The following RFX7 variants were observed in gnomAD, a reference collection of about 807,000 sequenced individuals.
The protein encoded by RFX7 is DNA-binding protein RFX7.
A neutral mutation model predicts 111.8 loss-of-function variants in RFX7; 26 were observed. That is an observed-to-expected ratio of 0.23 (90% confidence interval 0.17 to 0.32). RFX7 has a LOEUF of 0.32. Ranked by LOEUF, RFX7 falls within the 10% of genes least tolerant of loss-of-function variation. The probability of loss-of-function intolerance (pLI) is 1.00; values close to 1 mark genes in which losing one functional copy is unlikely to be tolerated. For missense variants in RFX7, 1,573 were observed against 1,772.9 expected (o/e 0.89, Z 2.02); for synonymous variants, 624 against 624.4 (o/e 1.00, Z 0.01).
At chr15:56,156,448 A>T (rs1430077415) in intron 3 of RFX7, among the ~76,000 whole-genome samples, 1 of 152,098 alleles carries the variant, frequency 6.6e-6, no homozygotes, top group Non-Finnish European at 1.5e-5. Flanking sequence ...ATTCTATGAA[A>T]CAAAACCACA....
chr15:56,122,370 CCAAA>C (rs1240284353), intron 5 of RFX7, among the ~76,000 whole-genome samples: 1 of 152,164 alleles, frequency 6.6e-6, no homozygotes, highest in Non-Finnish European at 1.5e-5. Flanking sequence ...TTATTTTCTC[CCAAA>C]CAAATGGAGT....
rs368574279 is a variant in RFX7, at chr15:56,179,279, G to T, written c.186C>A (p.Asp62Glu). The change falls in exon 3 of 10, where the codon GAC becomes GAA. Residue 62 changes from aspartate (D) to glutamate (E), a missense_variant. Asp to Glu is a conservative substitution (Grantham distance 45). Around this residue, in one of 7 missense-constraint regions of RFX7, gnomAD observed 191 missense variants for 194.2 expected, o/e 0.98. Transcript: ENST00000559447. ...TAGTTATTTCACTTACCAAAATGCA[G>T]TCCACTTTAGATTGTACAGTTTTGC... ...SICKTVQSKV[D>E]CILQEVEKFT... 6.2e-6 allele frequency: 8 copies of T among 1,288,896 alleles called. No homozygotes were observed. Among genetic ancestry groups the T allele is most frequent in the African/African-American group, 1.5e-5 (1 of 64,954 alleles). 79.8% of individuals were successfully genotyped at this position (1,288,896 alleles called of 1,614,324 possible). A position where few individuals can be genotyped will look rare whatever the true frequency, so the allele number is the denominator to read the frequency against.
At chr15:56,227,627 AC>A (rs1238039486) in intron 2 of RFX7, among the ~76,000 whole-genome samples, 6 of 152,164 alleles carry the variant, frequency 3.9e-5, no homozygotes, top group African/African-American at 1.4e-4. Flanking sequence ...TAGCGCAAGT[AC>A]CTTAGAGTAT....
At chr15:56,238,314 A>T (rs541992556) in intron 2 of RFX7, among the ~76,000 whole-genome samples, 1 of 152,238 alleles carries the variant, frequency 6.6e-6, no homozygotes, top group Non-Finnish European at 1.5e-5. Flanking sequence ...TGTCATCATC[A>T]TAAGAAAGTA....
intron 2 of RFX7, among the ~76,000 whole-genome samples, chr15:56,206,161 T>C (rs1441976885): frequency 2.0e-5 from 3 of 151,726 alleles, no homozygotes; most frequent in African/African-American, 4.8e-5. Context: ...CTATTCACAA[T>C]AACCAAAAAG....
chr15:56,121,835 A>AT (rs1214782950), intron 5 of RFX7, among the ~76,000 whole-genome samples: 16 of 152,256 alleles, frequency 1.1e-4, no homozygotes, highest in African/African-American at 3.9e-4. Flanking sequence ...CAGTGTATTA[A>AT]TTGCATCTTT....
At chr15:56,178,167 ACAC>A in intron 3 of RFX7, among the ~76,000 whole-genome samples, 1 of 13,358 alleles carries the variant, frequency 7.5e-5, no homozygotes, top group Admixed American at 6.9e-4. Flanking sequence ...CCAAAAAACT[ACAC>A]ACACACACAC....
chr15:56,111,725 A>AAATCAG (rs1240791213), intron 5 of RFX7, among the ~76,000 whole-genome samples: 2 of 151,820 alleles, frequency 1.3e-5, no homozygotes, highest in Admixed American at 6.6e-5. Context: ...TAAAACCATT[A>AAATCAG]AATCAGAATC....
At chr15:56,109,178 T>G (rs951744532) in intron 5 of RFX7, among the ~76,000 whole-genome samples, 1 of 152,212 alleles carries the variant, frequency 6.6e-6, no homozygotes, top group Non-Finnish European at 1.5e-5. Context: ...GCCGAGTGCC[T>G]GCGATTGCAG....
At chr15:56,198,371 A>C (rs145910087) in intron 2 of RFX7, among the ~76,000 whole-genome samples, 114 of 152,306 alleles carry the variant, frequency 7.5e-4, no homozygotes, top group Non-Finnish European at 1.4e-3. Flanking sequence ...ACGTATGTCT[A>C]GTTCAGTATA....
chr15:56,126,431 C>G (rs1385384301), intron 5 of RFX7, among the ~76,000 whole-genome samples: 1 of 152,164 alleles, frequency 6.6e-6, no homozygotes, highest in Non-Finnish European at 1.5e-5. Context: ...ATCCTCATCA[C>G]AAACAATTGT....
At chr15:56,113,327 G>T (rs539559138) in intron 5 of RFX7, among the ~76,000 whole-genome samples, 1 of 152,292 alleles carries the variant, frequency 6.6e-6, no homozygotes, top group East Asian at 1.9e-4. Context: ...CCATTAAAAG[G>T]AATGAGATCA....
chr15:56,112,930 T>C (rs2041959237), intron 5 of RFX7, among the ~76,000 whole-genome samples: 1 of 152,132 alleles, frequency 6.6e-6, no homozygotes, highest in Non-Finnish European at 1.5e-5. Context: ...ATTAGAGAAA[T>C]GCAAATCAAA....
At chr15:56,210,943 A>C (rs1206397415) in intron 2 of RFX7, among the ~76,000 whole-genome samples, 2 of 152,122 alleles carry the variant, frequency 1.3e-5, no homozygotes, top group African/African-American at 4.8e-5. Flanking sequence ...TGGAAATCAA[A>C]GACGGGACAT....
chr15:56,093,271 G>A lies in RFX7; in HGVS notation c.*74C>T. 3 of 1,260,988 alleles carry A rather than the reference G, an allele frequency of 2.4e-6. No homozygotes were observed. Among genetic ancestry groups the A allele is most frequent in the Non-Finnish European group, 3.2e-6 (3 of 928,400 alleles). The allele number at this position is 1,260,988 out of a possible 1,614,324, so 78.1% of individuals were successfully genotyped here. A position where few individuals can be genotyped will look rare whatever the true frequency, so the allele number is the denominator to read the frequency against. The stretch of plus-strand genomic sequence containing the variant: ...CACAATTAATAGTATTTCTGCTGCG[G>A]GAGGCACTTCCATTAAGACAAATAC... On this transcript the variant is annotated 3_prime_UTR_variant, in exon 10 of 10. Transcript: ENST00000559447.
intron 3 of RFX7, among the ~76,000 whole-genome samples, chr15:56,160,295 A>G (rs2141081344): frequency 6.6e-6 from 1 of 152,010 alleles, no homozygotes; most frequent in East Asian, 1.9e-4. Context: ...CAATCAGGGT[A>G]TCATGTCCAT....
At position 56,088,536 on chromosome 15, in the gene RFX7, TG is replaced by T. The variant is rs1217230662; in HGVS notation, c.*4808del. ...CTTGAAAAATGTAGTCTTTTTGTTT[TG>T]TTCTTTTTTCTAAGCAGATTATAGC... On this transcript the variant is annotated 3_prime_UTR_variant, in exon 10 of 10. Coordinates refer to ENST00000559447, the MANE Select transcript of RFX7 (RefSeq NM_022841.7). 5 of 152,242 alleles carry T rather than the reference TG, an allele frequency of 3.3e-5. No individual in the cohort carries two copies. The highest frequency in any genetic ancestry group is 1.2e-4 in the African/African-American group (5 of 41,476). The allele number at this position is 152,242 out of a possible 1,614,324, so 9.4% of individuals were successfully genotyped here.
intron 5 of RFX7, among the ~76,000 whole-genome samples, chr15:56,124,355 G>C (rs2042115398): frequency 6.6e-6 from 1 of 151,606 alleles, no homozygotes; most frequent in Admixed American, 6.6e-5. Context: ...CCAGGAGGCG[G>C]AGCTTGCAGT....
intron 2 of RFX7, among the ~76,000 whole-genome samples, chr15:56,242,439 A>C (rs1319401958): frequency 1.3e-5 from 2 of 152,036 alleles, no homozygotes; most frequent in Admixed American, 1.3e-4. Flanking sequence ...TATTCCATCA[A>C]TGGTTTCTTT....
Sources: allele counts gnomAD v4.1 joint callset (sites outside exome capture counted in the v4.1 genomes callset), GRCh38; gene constraint gnomAD v4.1.1; regional missense constraint gnomAD v4.1.1; transcripts MANE v1.5; gene names NCBI Gene and HGNC (gene_info 2026-07-23, HGNC 2026-07-21).